PSG3: variants seen among roughly 807,000 people sequenced by gnomAD.
PSG3 encodes the protein pregnancy specific beta-1-glycoprotein 3.
PSG3 carries 61 observed loss-of-function variants against 47.5 expected under a neutral mutation model. The observed-to-expected ratio is 1.28, with a 90% CI of 1.05 to 1.59. PSG3 has a LOEUF of 1.59. PSG3 is among the 40% of genes most tolerant of loss of function. PSG3 has a pLI of 0.00. For missense variants in PSG3, 756 were observed against 524.0 expected (o/e 1.44, Z -4.32); for synonymous variants, 263 against 198.4 (o/e 1.33, Z -2.74).
At chr19:42,735,586 T>A (rs1322719845) in intron 2 of PSG3, among the ~76,000 whole-genome samples, 1 of 152,202 alleles carries the variant, frequency 6.6e-6, no homozygotes, top group Non-Finnish European at 1.5e-5. Flanking sequence ...CAGGATGGTC[T>A]CCATCTCCTG....
At position 42,729,975 on chromosome 19, in the gene PSG3, G is replaced by T. The variant is rs887948479; in HGVS notation, c.791C>A (p.Pro264His). Reference sequence around the variant, plus strand: ...AATGTAGGTGTAGTTCTCACTCTTAGGTTCACAGGTGAAGGCTAAGACATC... The same window carrying T: ...AATGTAGGTGTAGTTCTCACTCTTATGTTCACAGGTGAAGGCTAAGACATC... ...NKDVLAFTCE[P>H]KSENYTYIWW... The change falls in exon 4 of 7, where the codon CCT becomes CAT. Residue 264 changes from proline to histidine, a missense_variant. Physicochemically the swap from Pro to His is moderately conservative, Grantham distance 77. Coordinates refer to ENST00000327495, the MANE Select transcript of PSG3 (RefSeq NM_021016.4). 1 of 1,612,180 alleles carries T rather than the reference G, an allele frequency of 6.2e-7. No individual in the cohort carries two copies. Among genetic ancestry groups the T allele is most frequent in the Middle Eastern group, 2.1e-4 (1 of 4,714 alleles).
At chr19:42,736,914 A>C (rs141621676) in intron 2 of PSG3, among the ~76,000 whole-genome samples, 2,462 of 152,238 alleles carry the variant, frequency 0.016, 33 homozygotes, top group African/African-American at 0.028. Flanking sequence ...GTTAGCGGGA[A>C]GGGAACTGAA....
intron 6 of PSG3, among the ~76,000 whole-genome samples, chr19:42,722,429 C>T (rs113971049): frequency 0.011 from 1,716 of 152,090 alleles, 19 homozygotes; most frequent in Middle Eastern, 0.027. Context: ...TTTGTTTTTG[C>T]ATTTTTAGTA....
Position 42,732,792 on chromosome 19 carries a change from T to C in PSG3, c.701A>G (p.Asn234Ser). 1 of 1,614,052 alleles carries C rather than the reference T, an allele frequency of 6.2e-7. No homozygotes were observed. Among genetic ancestry groups the C allele is most frequent in the South Asian group, 1.1e-5 (1 of 91,070 alleles). ...SASRSDPVTL[N>S]LLPKLPKPYI... is the part of the protein sequence containing the mutation. ...GAACAGGAGATACTCACGGAGGAGA[T>C]TCAGGGTGACTGGGTCACTGCGGCT... Residue 234 changes from asparagine (N) to serine (S), a missense_variant, in exon 3 of 7, where the codon AAT becomes AGT. Physicochemically the swap from Asn to Ser is conservative, Grantham distance 46 (BLOSUM62 1). Coordinates refer to ENST00000327495, the MANE Select transcript of PSG3 (RefSeq NM_021016.4).
intron 6 of PSG3, 97 bp from the exon 7 acceptor site, chr19:42,722,187 G>A (rs1969309553): frequency 2.5e-6 from 1 of 400,286 alleles, no homozygotes; most frequent in African/African-American, 2.1e-5. Context: ...TACTTCTGTG[G>A]CATATGACAC....
Position 42,733,277 on chromosome 19 carries a change from T to C in PSG3, c.431-215A>G, listed in dbSNP as rs28637920. The C allele has an allele frequency of 7.2e-3, 7,707 of 1,066,938 alleles. 397 individuals are homozygous for C. The African/African-American group carries it at 0.12, about 16-fold the overall frequency. The allele number at this position is 1,066,938 out of a possible 1,614,324, so 66.1% of individuals were successfully genotyped here. ...CGTGTGGGAGAAGCACAGACTTTCT[T>C]AACTGTGAATTGAGCAGCAGCATTG... On this transcript the variant is annotated intron_variant, in intron 2 of 6. Coordinates refer to ENST00000327495, the MANE Select transcript of PSG3 (RefSeq NM_021016.4).
At chr19:42,733,935 G>C (rs1490760828) in intron 2 of PSG3, 3 of 152,134 alleles carry the variant, frequency 2.0e-5, no homozygotes, top group African/African-American at 7.2e-5. Context: ...TGGCCCTCAT[G>C]GACCATATGT....
At chr19:42,727,012 A>C (rs1969388442) in intron 5 of PSG3, among the ~76,000 whole-genome samples, 1 of 152,226 alleles carries the variant, frequency 6.6e-6, no homozygotes, top group African/African-American at 2.4e-5. Context: ...CGAGTGTGCC[A>C]AGATCGTTCA....
chr19:42,731,649 A>C (rs540948220), intron 3 of PSG3, among the ~76,000 whole-genome samples: 19 of 151,882 alleles, frequency 1.3e-4, no homozygotes, highest in Admixed American at 8.5e-4. Context: ...AGTGTTTTCT[A>C]ATTCTGCAAA....
At chr19:42,738,265 A>C (rs1568755569) in intron 2 of PSG3, among the ~76,000 whole-genome samples, 1 of 152,216 alleles carries the variant, frequency 6.6e-6, no homozygotes. Flanking sequence ...GCCCTGCCCA[A>C]GAAGCGACAA....
intron 2 of PSG3, chr19:42,733,973 G>C (rs1969519588): frequency 6.6e-6 from 1 of 152,118 alleles, no homozygotes; most frequent in Non-Finnish European, 1.5e-5. Flanking sequence ...CCAATATTTG[G>C]GAAGAAGCCT....
In PSG3 at chr19:42,722,336, C is replaced by T. The variant is rs55967441; in HGVS notation, c.*41-246G>A. Among the ~76,000 whole-genome samples, 1,224 of 152,240 alleles carry T rather than the reference C, an allele frequency of 8.0e-3. 18 individuals carry two copies. The highest frequency in any genetic ancestry group is 0.028 in the African/African-American group (1,146 of 41,536). On this transcript the variant is annotated intron_variant, in intron 6 of 6. Transcript: ENST00000327495. The stretch of plus-strand genomic sequence containing the variant: ...TGCGATCCCAGTTCACTGCAAGCTC[C>T]GCCTCCCGGGTTCCTGCCATTCTCC...
rs777965063 is a variant in PSG3 at position 42,738,745 on chromosome 19, G to A, written c.409C>T (p.His137Tyr). 6.2e-6 allele frequency: 10 copies of A among 1,613,780 alleles called. No homozygotes were observed. The highest frequency in any genetic ancestry group is 2.2e-5 in the East Asian group (1 of 44,900). ...TCACGGTATAAGGTGAAGGTGAAAT[G>A]TCCAGTTTCTCCTCTAGTCCCATCA... ...RGDGTRGETG[H>Y]FTFTLYLETP... Residue 137 changes from histidine to tyrosine, a missense_variant, in exon 2 of 7, where the codon CAT (histidine) becomes TAT (tyrosine). By Grantham distance (83) the His-to-Tyr change is moderately conservative. Coordinates refer to ENST00000327495, the MANE Select transcript of PSG3 (RefSeq NM_021016.4).
chr19:42,728,338 G>A (rs1225979288), intron 5 of PSG3, among the ~76,000 whole-genome samples: 1 of 152,158 alleles, frequency 6.6e-6, no homozygotes, highest in Admixed American at 6.5e-5. Context: ...GCCATGCAGA[G>A]CCCTAGGGGT....
intron 5 of PSG3, among the ~76,000 whole-genome samples, chr19:42,726,320 G>C (rs1335158789): frequency 2.2e-5 from 3 of 133,504 alleles, no homozygotes; most frequent in African/African-American, 8.3e-5. Context: ...TTTAAAAAAA[G>C]ACGTTAAAAT....
Position 42,740,411 on chromosome 19 carries a change from C to A in PSG3, c.-27G>T. ...GTCTCTGCTGCCTGCGTGTTCTCCT[C>A]TGTGGAGCTGAGCCTAGGATCCAGA... On this transcript the variant is annotated 5_prime_UTR_variant, in exon 1 of 7. An upstream open reading frame in the 5' UTR gains an earlier in-frame stop. Transcript: ENST00000327495. 6.2e-7 allele frequency: 1 copy of A among 1,613,972 alleles called. No homozygotes were observed. Among genetic ancestry groups the A allele is most frequent in the Non-Finnish European group, 8.5e-7 (1 of 1,179,926 alleles).
rs560535889 is a variant in PSG3, at chr19:42,729,717, G to C, written c.988+61C>G. 1.3e-5 allele frequency: 21 copies of C among 1,577,470 alleles called. No individual in the cohort carries two copies. The African/African-American group carries it at 2.7e-4, about 20-fold the overall frequency. On this transcript the variant is annotated intron_variant, in intron 4 of 6. Transcript: ENST00000327495. ...GACCAGAGAGAGAGTGAGAGGCCTG[G>C]CCTCTGGTCGTTTTGATTTAAGCTG...
intron 5 of PSG3, among the ~76,000 whole-genome samples, chr19:42,726,158 C>T (rs1386688096): frequency 1.3e-5 from 2 of 152,000 alleles, no homozygotes; most frequent in Non-Finnish European, 2.9e-5. Flanking sequence ...AACGTAAAGG[C>T]AATATGTGAA....
rs1302788060 is a variant in PSG3, at chr19:42,732,763, A to G, written c.709+21T>C. On this transcript the variant is annotated intron_variant, in intron 3 of 6. Transcript: ENST00000327495. ...TATTTGGGATGGCAGACTGGCTCAC[A>G]GAGGAACAGGAGATACTCACGGAGG... is the stretch of plus-strand genomic sequence containing the variant. 1.9e-6 allele frequency: 3 copies of G among 1,614,196 alleles called. No individual in the cohort carries two copies. In the Admixed American group the frequency reaches 5.0e-5, roughly 27 times the overall value.
Sources: allele counts gnomAD v4.1 joint callset (sites outside exome capture counted in the v4.1 genomes callset), GRCh38; gene constraint gnomAD v4.1.1; transcripts MANE v1.5; gene names NCBI Gene and HGNC (gene_info 2026-07-23, HGNC 2026-07-21).